ABTB3: variants seen among roughly 807,000 people sequenced by gnomAD.
ABTB3 encodes the protein ankyrin repeat- and BTB/POZ domain-containing protein 3.
chr12:107,354,607 T>C, the ABTB3 span, among the ~76,000 whole-genome samples: 1 of 152,238 alleles, frequency 6.6e-6, no homozygotes. Flanking sequence ...TAAATAATAT[T>C]CAATTGCATG....
At chr12:107,320,001 C>T in the ABTB3 span, 17 of 1,577,778 alleles carry the variant, frequency 1.1e-5, no homozygotes, top group Admixed American at 3.4e-5. Context: ...CTGGAGCACA[C>T]GGTCAACAAC....
the ABTB3 span, among the ~76,000 whole-genome samples, chr12:107,541,480 T>C: frequency 6.6e-6 from 1 of 152,256 alleles, no homozygotes; most frequent in Non-Finnish European, 1.5e-5. Flanking sequence ...AAGTCATTTA[T>C]TTTAAGGAAT....
chr12:107,429,685 T>A, the ABTB3 span, among the ~76,000 whole-genome samples: 14 of 152,238 alleles, frequency 9.2e-5, no homozygotes, highest in Non-Finnish European at 2.9e-5. Flanking sequence ...GCACACAAGA[T>A]AGTCTGCTTT....
chr12:107,654,579 G>A, the ABTB3 span, among the ~76,000 whole-genome samples: 1 of 152,106 alleles, frequency 6.6e-6, no homozygotes, highest in Admixed American at 6.6e-5. Flanking sequence ...GATTACAGAT[G>A]TGAGCCACCG....
the ABTB3 span, among the ~76,000 whole-genome samples, chr12:107,590,975 C>G: frequency 6.6e-6 from 1 of 152,200 alleles, no homozygotes; most frequent in East Asian, 1.9e-4. Context: ...CTTTCCTTAG[C>G]AATTAGTCAG....
the ABTB3 span, chr12:107,612,684 C>T: frequency 3.3e-6 from 4 of 1,205,988 alleles, no homozygotes; most frequent in Non-Finnish European, 4.7e-6. Context: ...CAAGCATGGC[C>T]TCCGAAACAC....
At chr12:107,444,248 A>G in the ABTB3 span, among the ~76,000 whole-genome samples, 18 of 152,336 alleles carry the variant, frequency 1.2e-4, no homozygotes, top group East Asian at 3.5e-3. Context: ...CACTTTCTAC[A>G]GCATAGCCGA....
At chr12:107,647,472 T>G in the ABTB3 span, among the ~76,000 whole-genome samples, 1 of 152,226 alleles carries the variant, frequency 6.6e-6, no homozygotes. Flanking sequence ...ACCTCTGTAC[T>G]CCAGCCTGAG....
the ABTB3 span, among the ~76,000 whole-genome samples, chr12:107,416,197 G>A: frequency 1.3e-5 from 2 of 152,196 alleles, no homozygotes; most frequent in Non-Finnish European, 2.9e-5. Flanking sequence ...GTTTGTTGAA[G>A]GAGAAAGGAG....
the ABTB3 span, among the ~76,000 whole-genome samples, chr12:107,576,080 C>A: frequency 6.6e-6 from 1 of 152,178 alleles, no homozygotes; most frequent in Non-Finnish European, 1.5e-5. Flanking sequence ...ATGGCTTTGA[C>A]CCCATCCCCT....
the ABTB3 span, among the ~76,000 whole-genome samples, chr12:107,418,288 C>T: frequency 1.3e-5 from 2 of 152,224 alleles, no homozygotes; most frequent in Admixed American, 6.5e-5. Context: ...GAATATCAGA[C>T]TCCAAGTTCT....
chr12:107,396,694 C>T, the ABTB3 span, among the ~76,000 whole-genome samples: 12 of 150,662 alleles, frequency 8.0e-5, no homozygotes, highest in South Asian at 4.2e-4. Context: ...CCAGAATTAA[C>T]AGAGGTTGAT....
the ABTB3 span, chr12:107,581,069 G>C: frequency 6.5e-7 from 1 of 1,540,796 alleles, no homozygotes. Flanking sequence ...GGATCCCCGC[G>C]AGCAGGGGGT....
At chr12:107,559,376 G>C in the ABTB3 span, among the ~76,000 whole-genome samples, 1 of 151,972 alleles carries the variant, frequency 6.6e-6, no homozygotes, top group East Asian at 1.9e-4. Flanking sequence ...CAACACTCAG[G>C]GGGAAAAAAC....
At chr12:107,627,140 T>G in the ABTB3 span, among the ~76,000 whole-genome samples, 28 of 152,330 alleles carry the variant, frequency 1.8e-4, no homozygotes, top group East Asian at 4.6e-3. Flanking sequence ...TAAAACAGTT[T>G]GCTAAAAATT....
the ABTB3 span, among the ~76,000 whole-genome samples, chr12:107,447,933 C>T: frequency 9.0e-3 from 1,372 of 152,296 alleles, 23 homozygotes; most frequent in African/African-American, 0.031. Context: ...GGAGCCCTTG[C>T]GGCTCAGGGT....
At chr12:107,515,217 C>T in the ABTB3 span, among the ~76,000 whole-genome samples, 1 of 152,026 alleles carries the variant, frequency 6.6e-6, no homozygotes, top group Non-Finnish European at 1.5e-5. Flanking sequence ...GCCTCCAAGT[C>T]CCAGTTGCTC....
the ABTB3 span, among the ~76,000 whole-genome samples, chr12:107,646,922 CAGA>C: frequency 1.3e-5 from 2 of 152,040 alleles, no homozygotes; most frequent in Non-Finnish European, 2.9e-5. Context: ...GCTCAGTGGA[CAGA>C]AGAAGGGGAG....
chr12:107,406,681 C>A, the ABTB3 span, among the ~76,000 whole-genome samples: 1 of 152,158 alleles, frequency 6.6e-6, no homozygotes, highest in Non-Finnish European at 1.5e-5. Context: ...GGGGATAAGA[C>A]AGTGACCAAA....
Sources: allele counts gnomAD v4.1 joint callset (sites outside exome capture counted in the v4.1 genomes callset), GRCh38; gene constraint gnomAD v4.1.1; transcripts MANE v1.5; gene names NCBI Gene and HGNC (gene_info 2026-07-23, HGNC 2026-07-21).